The following DCHS2 variants were observed in gnomAD, a reference collection of about 807,000 sequenced individuals.
DCHS2 encodes protocadherin-23.
DCHS2 carries 142 observed loss-of-function variants against 182.4 expected under a neutral mutation model. That is an observed-to-expected ratio of 0.78 (90% CI 0.68 to 0.89). The LOEUF (loss-of-function observed/expected upper bound fraction) is 0.89. Among genes scored for constraint, DCHS2 ranks in the 40% least tolerant of loss-of-function variants. DCHS2 has a pLI of 0.00. For missense variants in DCHS2, 4,319 were observed against 4,198.6 expected (o/e 1.03, Z -0.79); for synonymous variants, 1,740 against 1,663.3 (o/e 1.05, Z -1.12).
Position 154,235,138 on chromosome 4 carries a change from C to T in DCHS2, c.9514G>A (p.Gly3172Ser), listed in dbSNP as rs1372168230. 6.2e-6 allele frequency: 10 copies of T among 1,613,932 alleles called. No homozygotes were observed. Among genetic ancestry groups the T allele is most frequent in the South Asian group, 1.1e-5 (1 of 91,084 alleles). The change falls in exon 20 of 20, where the codon GGC (glycine) becomes AGC (serine). Residue 3172 changes from glycine to serine, a missense_variant. By Grantham distance (56) the Gly-to-Ser change is moderately conservative. Transcript: ENST00000357232. ...TTTTGAGCACAGGTGGTGCTGCAGC[C>T]TTCCCCTTGATCTCCTTCCCCAAAT... ...QTFGEGDQGE[G>S]CSTTCAQNNV...
rs549243462 is a variant in DCHS2 at position 154,365,908 on chromosome 4, A to G, written c.2476+302T>C. On this transcript the variant is annotated intron_variant, in intron 3 of 19. Transcript: ENST00000357232. ...CTTGATCCACCCACCTCGGCCCCCC[A>G]AAGTGCTGGGATTACAGGTGTGAGC... Among the ~76,000 whole-genome samples the G allele has an allele frequency of 4.0e-5, 6 of 151,858 alleles. No individual in the cohort carries two copies. In the South Asian group the frequency reaches 1.2e-3, roughly 32 times the overall value.
chr4:154,432,993 CA>C (rs1733620769), intron 1 of DCHS2, among the ~76,000 whole-genome samples: 1 of 152,064 alleles, frequency 6.6e-6, no homozygotes, highest in South Asian at 2.1e-4. Flanking sequence ...TCATGTCCTG[CA>C]AAAAGATGTG....
At chr4:154,250,829 T>TCAA (rs1732317009) in intron 16 of DCHS2, among the ~76,000 whole-genome samples, 1 of 152,342 alleles carries the variant, frequency 6.6e-6, no homozygotes, top group Middle Eastern at 3.4e-3. Context: ...AAACATTCGT[T>TCAA]CAACTGCTTA....
intron 1 of DCHS2, among the ~76,000 whole-genome samples, chr4:154,468,294 C>A (rs1414002561): frequency 6.6e-6 from 1 of 152,042 alleles, no homozygotes; most frequent in African/African-American, 2.4e-5. Flanking sequence ...AGCAGTATTA[C>A]TGAATGCATG....
chr4:154,278,859 C>G (rs181568562), intron 13 of DCHS2, among the ~76,000 whole-genome samples: 5 of 152,186 alleles, frequency 3.3e-5, no homozygotes, highest in Non-Finnish European at 7.4e-5. Context: ...GTCTATTAAA[C>G]CTGCCTTACA....
chr4:154,258,367 C>CTTTTTTTTTTTTTTTTTT (rs771510956), intron 15 of DCHS2, among the ~76,000 whole-genome samples: 11 of 58,852 alleles, frequency 1.9e-4, no homozygotes, highest in East Asian at 6.6e-4. Flanking sequence ...AAAAGAAAGG[C>CTTTTTTTTTTTTTTTTTT]TTTTTTTTTT....
At chr4:154,452,367 T>C (rs1167567483) in intron 1 of DCHS2, among the ~76,000 whole-genome samples, 1 of 152,184 alleles carries the variant, frequency 6.6e-6, no homozygotes, top group African/African-American at 2.4e-5. Flanking sequence ...GTTGAGGCTG[T>C]AATCCCAGCA....
intron 1 of DCHS2, among the ~76,000 whole-genome samples, chr4:154,480,815 G>T (rs1227975928): frequency 6.6e-6 from 1 of 152,124 alleles, no homozygotes; most frequent in Non-Finnish European, 1.5e-5. Context: ...TTGAAATAGA[G>T]ATAGGGTTTT....
chr4:154,235,833 G>T lies in DCHS2; in HGVS notation c.8819C>A (p.Ala2940Asp). 6 of 1,613,940 alleles carry T rather than the reference G, an allele frequency of 3.7e-6. No individual in the cohort carries two copies. Among genetic ancestry groups the T allele is most frequent in the Non-Finnish European group, 5.1e-6 (6 of 1,179,944 alleles). ...GAGTTGACTTTTTATTAGGGGAAGG[G>T]CTCTAATCAAATAAATATTTCCATT... is the stretch of plus-strand genomic sequence containing the variant. ...KTNGNIYLIR[A>D]LPLIKSQLNK... Residue 2940 changes from alanine (A) to aspartate (D), a missense_variant, in exon 20 of 20, where the codon GCC becomes GAC. Ala to Asp is a moderately radical substitution (Grantham distance 126). Coordinates refer to ENST00000357232, the MANE Select transcript of DCHS2 (RefSeq NM_001358235.2).
In DCHS2 at chr4:154,333,481, T is replaced by A; in HGVS notation, c.2727A>T (p.Pro909=). The A allele has an allele frequency of 6.2e-7, 1 of 1,612,346 alleles. No homozygotes were observed. The highest frequency in any genetic ancestry group is 1.1e-5 in the South Asian group (1 of 90,978). ...KAREPLNSSE[P]IFYRISSGDL... is the part of the protein sequence containing the mutation. ...CACCAGAAGAAATCCTGTAAAAGAT[T>A]GGTTCTGAGGAGTCTGAAAAAGAGA... Residue 909 remains proline, a synonymous_variant, in exon 5 of 20, where the codon CCA becomes CCT. Transcript: ENST00000357232.
At chr4:154,402,673 G>A (rs1413775330) in intron 1 of DCHS2, among the ~76,000 whole-genome samples, 2 of 152,148 alleles carry the variant, frequency 1.3e-5, no homozygotes, top group East Asian at 3.9e-4. Context: ...TCTCAAATGA[G>A]GGTTTGGACT....
chr4:154,385,076 C>T (rs1248626443), intron 1 of DCHS2, among the ~76,000 whole-genome samples: 1 of 104,060 alleles, frequency 9.6e-6, no homozygotes, highest in Non-Finnish European at 1.8e-5. Context: ...CCTTCCCCCT[C>T]CCCCCACCCC....
At chr4:154,372,030 G>A (rs1730670205) in intron 2 of DCHS2, among the ~76,000 whole-genome samples, 1 of 152,134 alleles carries the variant, frequency 6.6e-6, no homozygotes, top group South Asian at 2.1e-4. Flanking sequence ...GGGTGGGGAG[G>A]AGAATATGGA....
intron 1 of DCHS2, among the ~76,000 whole-genome samples, chr4:154,425,674 C>T (rs1469957713): frequency 6.6e-6 from 1 of 152,180 alleles, no homozygotes; most frequent in African/African-American, 2.4e-5. Context: ...TTAACTAAGG[C>T]AAAACACACA....
chr4:154,388,892 G>A (rs148524320), intron 1 of DCHS2, among the ~76,000 whole-genome samples: 17 of 152,152 alleles, frequency 1.1e-4, no homozygotes, highest in Admixed American at 2.6e-4. Flanking sequence ...GGCATTGGCC[G>A]TCTGTCTATT....
rs116457991 is a variant in DCHS2, at chr4:154,489,204, C to T, written c.2052+100G>A. 4,577 of 1,011,234 alleles carry T rather than the reference C, an allele frequency of 4.5e-3. 129 individuals are homozygous for T. The African/African-American group carries it at 0.064, about 14-fold the overall frequency. The allele number at this position is 1,011,234 out of a possible 1,614,324, so 62.6% of individuals were successfully genotyped here. A position where few individuals can be genotyped will look rare whatever the true frequency, so the allele number is the denominator to read the frequency against. On this transcript the variant is annotated intron_variant, in intron 1 of 19. Coordinates refer to ENST00000357232, the MANE Select transcript of DCHS2 (RefSeq NM_001358235.2). ...TACCGCCAGTCTTGTATTTGAGAGC[C>T]GGAATATTATCCTCCACATCACAAT... is the stretch of plus-strand genomic sequence containing the variant.
At chr4:154,248,530 A>G (rs1300674660) in intron 16 of DCHS2, among the ~76,000 whole-genome samples, 3 of 152,188 alleles carry the variant, frequency 2.0e-5, no homozygotes, top group Non-Finnish European at 4.4e-5. Context: ...TGTATATATT[A>G]CTTTGATAAT....
chr4:154,404,203 A>G (rs1011332366), intron 1 of DCHS2, among the ~76,000 whole-genome samples: 2 of 152,102 alleles, frequency 1.3e-5, no homozygotes, highest in Non-Finnish European at 2.9e-5. Flanking sequence ...ACAAATTTTT[A>G]TATTGTATTT....
At chr4:154,311,433 C>A (rs62331867) in intron 10 of DCHS2, among the ~76,000 whole-genome samples, 21,281 of 150,978 alleles carry the variant, frequency 0.14, 1,705 homozygotes, top group South Asian at 0.22. Flanking sequence ...TGAGGTCTTG[C>A]TATGTTGCCC....
Sources: gnomAD v4.1 joint callset for allele counts (sites outside exome capture counted in the v4.1 genomes callset) on GRCh38, gnomAD v4.1.1 for gene constraint, MANE v1.5 for transcripts, NCBI Gene and HGNC (gene_info 2026-07-23, HGNC 2026-07-21) for gene names.